Variants in DHDDS observed in about 807,000 individuals in gnomAD.
DHDDS encodes dehydrodolichyl diphosphate synthase complex subunit DHDDS.
Under a neutral mutation model 46.2 loss-of-function variants are expected in DHDDS, and 16 were observed. That is an observed-to-expected ratio of 0.35 (90% CI 0.23 to 0.53). DHDDS has a LOEUF of 0.53. Ranked by LOEUF, DHDDS falls within the 20% of genes least tolerant of loss-of-function variation. DHDDS has a pLI of 0.94. For synonymous variants in DHDDS, 151 were observed against 163.1 expected, an observed-to-expected ratio of 0.93 and a Z score of 0.56; for missense variants, 340 against 423.7, an observed-to-expected ratio of 0.80 and a Z score of 1.73.
intron 4 of DHDDS, among the ~76,000 whole-genome samples, chr1:26,444,409 C>T (rs1266216086): frequency 2.6e-5 from 4 of 152,158 alleles, no homozygotes; most frequent in Admixed American, 1.3e-4. Flanking sequence ...AACCACTGGC[C>T]TGATTCTGTT....
At chr1:26,441,716 G>A (rs1339585141) in intron 3 of DHDDS, among the ~76,000 whole-genome samples, 1 of 151,778 alleles carries the variant, frequency 6.6e-6, no homozygotes, top group Non-Finnish European at 1.5e-5. Flanking sequence ...TCAGCATGGC[G>A]AAACCCCATC....
At position 26,455,016 on chromosome 1, in the gene DHDDS, CG is replaced by C. The variant is rs1378722828; in HGVS notation, c.543-2774del. The C allele has an allele frequency of 3.0e-6, 4 of 1,333,536 alleles. No homozygotes were observed. In the East Asian group the frequency reaches 9.2e-5, roughly 31 times the overall value. 82.6% of individuals were successfully genotyped at this position (1,333,536 alleles called of 1,614,324 possible). On this transcript the variant is annotated intron_variant, in intron 6 of 8. Coordinates refer to ENST00000236342, the MANE Select transcript of DHDDS (RefSeq NM_205861.3). ...CCACCATTGTAACGTCGGAATGGTACGCACTGTTTCTGTAAAGTGACATCTT... is the reference window on the plus strand; with the variant it reads ...CCACCATTGTAACGTCGGAATGGTACCACTGTTTCTGTAAAGTGACATCTT...
Position 26,432,426 on chromosome 1 carries a change from GGGGAGCAGCTGC to G in DHDDS, c.-56+56_-56+67del, listed in dbSNP as rs2075113637. ...CTAGAGGAGAAGAGGGTGACTGGGC[GGGGAGCAGCTGC>G]GGGAGAAGCAAAGGGACGACTGAGG... On this transcript the variant is annotated intron_variant, in intron 1 of 8. Transcript: ENST00000236342. 2.4e-5 allele frequency: 4 copies of G among 167,126 alleles called. 1 individual carries two copies. In the South Asian group the frequency reaches 3.8e-4, roughly 16 times the overall value. 10.4% of individuals were successfully genotyped at this position (167,126 alleles called of 1,614,324 possible). A position where few individuals can be genotyped will look rare whatever the true frequency, so the allele number is the denominator to read the frequency against.
chr1:26,439,477 G>A (rs1239824677), intron 3 of DHDDS, among the ~76,000 whole-genome samples: 1 of 151,962 alleles, frequency 6.6e-6, no homozygotes, highest in Non-Finnish European at 1.5e-5. Context: ...AGCTACTTAC[G>A]AGACTGAGGT....
At chr1:26,452,373 A>G (rs973129515) in intron 6 of DHDDS, among the ~76,000 whole-genome samples, 16 of 152,202 alleles carry the variant, frequency 1.1e-4, no homozygotes, top group Admixed American at 1.0e-3. Flanking sequence ...TAGCAGTTAA[A>G]TTAATAGATT....
intron 8 of DHDDS, chr1:26,467,161 T>C (rs547491849): frequency 8.5e-6 from 3 of 351,124 alleles, no homozygotes; most frequent in African/African-American, 4.3e-5. Flanking sequence ...CTGAACTGCA[T>C]GACCCTTACC....
intron 3 of DHDDS, among the ~76,000 whole-genome samples, chr1:26,441,131 G>A (rs1206121720): frequency 2.6e-5 from 4 of 151,938 alleles, no homozygotes; most frequent in African/African-American, 9.7e-5. Flanking sequence ...CACCACGTTG[G>A]TCAGGCTGGT....
intron 7 of DHDDS, among the ~76,000 whole-genome samples, chr1:26,458,782 C>CTA (rs902248298): frequency 6.6e-6 from 1 of 151,434 alleles, no homozygotes; most frequent in Non-Finnish European, 1.5e-5. Context: ...CAATGTGCAC[C>CTA]TATTGGTTCT....
intron 8 of DHDDS, among the ~76,000 whole-genome samples, chr1:26,463,663 C>T (rs1314224590): frequency 6.6e-6 from 1 of 152,048 alleles, no homozygotes; most frequent in African/African-American, 2.4e-5. Context: ...TGTGCCACCA[C>T]ATCTGGCTAA....
At chr1:26,462,054 T>C (rs1320972279) in intron 8 of DHDDS, among the ~76,000 whole-genome samples, 1 of 151,576 alleles carries the variant, frequency 6.6e-6, no homozygotes, top group Non-Finnish European at 1.5e-5. Context: ...AATCACGTGC[T>C]ATTTTTTGTT....
intron 8 of DHDDS, 80 bp downstream of exon 8, chr1:26,460,224 T>C (rs2075409033): frequency 9.3e-7 from 1 of 1,071,188 alleles, no homozygotes; most frequent in South Asian, 1.3e-5. Flanking sequence ...CCTTACTATA[T>C]ACCAGGCACT....
rs1220180205 is a variant in DHDDS, at chr1:26,457,916, T to G, written c.657+11T>G. On this transcript the variant is annotated intron_variant, in intron 7 of 8. Transcript: ENST00000236342. ...TTCTTGCTATGGCAGGTAGGTCATT[T>G]CCAAGTACTATTATGTTTGTGTCAT... The G allele has an allele frequency of 6.2e-7, 1 of 1,604,086 alleles. No individual in the cohort carries two copies.
Position 26,442,786 on chromosome 1 carries a change from G to T in DHDDS, c.236G>T (p.Ser79Ile). Residue 79 changes from serine to isoleucine, a missense_variant, in exon 4 of 9, where the codon AGC (serine) becomes ATC (isoleucine). Ser to Ile is a moderately radical substitution (Grantham distance 142). Coordinates refer to ENST00000236342, the MANE Select transcript of DHDDS (RefSeq NM_205861.3). Reference protein sequence around the residue: ...GILEVTVYAFSIENFKRSKSE... With the variant: ...GILEVTVYAFIIENFKRSKSE... ...CTAGAGGTGACAGTCTACGCATTCA[G>T]CATTGAGAACTTCAAACGCTCCAAG... 1 of 1,614,120 alleles carries T rather than the reference G, an allele frequency of 6.2e-7. No homozygotes were observed. Among genetic ancestry groups the T allele is most frequent in the Non-Finnish European group, 8.5e-7 (1 of 1,180,022 alleles).
chr1:26,442,915 C>A, intron 4 of DHDDS, 42 bp downstream of exon 4: 1 of 1,613,210 alleles, frequency 6.2e-7, no homozygotes, highest in East Asian at 2.2e-5. Flanking sequence ...TTCCACCACC[C>A]CCAGCCTTAT....
chr1:26,467,825 C>T (rs2075507964), intron 8 of DHDDS, among the ~76,000 whole-genome samples: 1 of 152,222 alleles, frequency 6.6e-6, no homozygotes, highest in Non-Finnish European at 1.5e-5. Flanking sequence ...AAAGGCTTTG[C>T]AGGTCAGTTA....
At chr1:26,442,910 C>T in intron 4 of DHDDS, 37 bp downstream of exon 4, 1 of 1,613,360 alleles carries the variant, frequency 6.2e-7, no homozygotes, top group Non-Finnish European at 8.5e-7. Context: ...TGTTCTTCCA[C>T]CACCCCCAGC....
intron 8 of DHDDS, among the ~76,000 whole-genome samples, chr1:26,463,160 C>T (rs949453517): frequency 6.6e-6 from 1 of 152,102 alleles, no homozygotes; most frequent in Non-Finnish European, 1.5e-5. Flanking sequence ...TTGTAAAAAT[C>T]ATTCAGAATT....
rs1415257049 is a variant in DHDDS, at chr1:26,467,131, A to G, written c.766-1764A>G. ...AGGTCACTGCTCCGTGATGTTCATC[A>G]GCCACACTTGCTTTCTCCTCTGAAC... is the stretch of plus-strand genomic sequence containing the variant. On this transcript the variant is annotated intron_variant, in intron 8 of 8. Coordinates refer to ENST00000236342, the MANE Select transcript of DHDDS (RefSeq NM_205861.3). 3.6e-5 allele frequency: 11 copies of G among 301,630 alleles called. No individual in the cohort carries two copies. The Admixed American group carries it at 4.3e-4, about 12-fold the overall frequency. The allele number at this position is 301,630 out of a possible 1,614,324, so 18.7% of individuals were successfully genotyped here.
At chr1:26,462,416 T>G (rs2075433342) in intron 8 of DHDDS, among the ~76,000 whole-genome samples, 1 of 152,186 alleles carries the variant, frequency 6.6e-6, no homozygotes, top group African/African-American at 2.4e-5. Flanking sequence ...TGCTCTAAGT[T>G]AGATGGTCCC....
Sources: allele counts gnomAD v4.1 joint callset (sites outside exome capture counted in the v4.1 genomes callset), GRCh38; gene constraint gnomAD v4.1.1; transcripts MANE v1.5; gene names NCBI Gene and HGNC (gene_info 2026-07-23, HGNC 2026-07-21).